PTPRM: variants seen among roughly 807,000 people sequenced by gnomAD.
PTPRM encodes the protein receptor-type tyrosine-protein phosphatase mu.
A neutral mutation model predicts 186.7 loss-of-function variants in PTPRM; 47 were observed. That is an observed-to-expected ratio of 0.25 (90% CI 0.20 to 0.32). The LOEUF (loss-of-function observed/expected upper bound fraction) is 0.32, where lower values mean the gene tolerates loss of function less well. Among genes scored for constraint, PTPRM ranks in the 10% least tolerant of loss-of-function variants. The probability of loss-of-function intolerance (pLI) is 1.00; values close to 1 mark genes in which losing one functional copy is unlikely to be tolerated. For missense variants in PTPRM, 1,494 were observed against 1,865.0 expected (o/e 0.80, Z 3.66); for synonymous variants, 668 against 674.9 (o/e 0.99, Z 0.16).
At position 7,980,057 on chromosome 18, in the gene PTPRM, G is replaced by A. The variant is rs112231481; in HGVS notation, c.1132+24643G>A. 5.3e-3 allele frequency among the ~76,000 whole-genome samples: 801 copies of A among 152,154 alleles called. 7 individuals carry two copies. Among genetic ancestry groups the A allele is most frequent in the African/African-American group, 0.018 (764 of 41,520 alleles). ...CCTCTGCTCTATAATGCCCCTGAGC[G>A]TCTTACTCCTCCCCCTTGGCCGTGC... is the stretch of plus-strand genomic sequence containing the variant. On this transcript the variant is annotated intron_variant, in intron 7 of 32. Transcript: ENST00000580170.
chr18:8,184,948 C>T (rs574391101), intron 14 of PTPRM, among the ~76,000 whole-genome samples: 2 of 152,112 alleles, frequency 1.3e-5, no homozygotes, highest in Non-Finnish European at 2.9e-5. Context: ...GCCTTGAATT[C>T]TAATGCAGAC....
At chr18:8,156,204 A>C (rs982399364) in intron 14 of PTPRM, among the ~76,000 whole-genome samples, 6 of 152,194 alleles carry the variant, frequency 3.9e-5, no homozygotes, top group African/African-American at 1.4e-4. Context: ...AACAGTTCCT[A>C]AAGTAACCCC....
chr18:7,918,312 A>G (rs2050679655), intron 4 of PTPRM, among the ~76,000 whole-genome samples: 1 of 152,068 alleles, frequency 6.6e-6, no homozygotes, highest in South Asian at 2.1e-4. Flanking sequence ...AGAAACCTCA[A>G]TGCAGTTTTT....
chr18:8,354,813 G>C (rs1453939544), intron 23 of PTPRM, among the ~76,000 whole-genome samples: 1 of 152,170 alleles, frequency 6.6e-6, no homozygotes, highest in East Asian at 1.9e-4. Flanking sequence ...GTAGAACAGT[G>C]GCTAAGTGTG....
At chr18:8,023,831 G>GAC (rs71354587) in intron 7 of PTPRM, among the ~76,000 whole-genome samples, 6,689 of 110,210 alleles carry the variant, frequency 0.061, 189 homozygotes, top group East Asian at 0.11. Flanking sequence ...ATTATCAGAA[G>GAC]ACACACACAC....
chr18:8,324,665 C>G (rs2095364845), intron 22 of PTPRM, among the ~76,000 whole-genome samples: 1 of 152,166 alleles, frequency 6.6e-6, no homozygotes, highest in Non-Finnish European at 1.5e-5. Flanking sequence ...GACAGCATTC[C>G]CAGCACTCAC....
intron 1 of PTPRM, among the ~76,000 whole-genome samples, chr18:7,701,077 G>A (rs1395084516): frequency 6.6e-5 from 10 of 151,736 alleles, no homozygotes; most frequent in Admixed American, 2.0e-4. Flanking sequence ...AGGCCTAGGC[G>A]GGCGGATCAT....
chr18:7,933,745 C>T (rs981820640), intron 5 of PTPRM, among the ~76,000 whole-genome samples: 4 of 152,158 alleles, frequency 2.6e-5, no homozygotes, highest in African/African-American at 7.2e-5. Flanking sequence ...CAGAGGAAAT[C>T]GTTTCTCTCT....
At chr18:8,351,576 A>T (rs919409185) in intron 23 of PTPRM, among the ~76,000 whole-genome samples, 1 of 152,192 alleles carries the variant, frequency 6.6e-6, no homozygotes, top group Non-Finnish European at 1.5e-5. Context: ...ATCTGGCCAC[A>T]GGGACGGCCT....
intron 3 of PTPRM, among the ~76,000 whole-genome samples, chr18:7,897,185 T>G (rs554918896): frequency 6.6e-6 from 1 of 152,326 alleles, no homozygotes; most frequent in African/African-American, 2.4e-5. Context: ...AGGAGTGTTT[T>G]TGAATCTCCG....
Position 8,319,280 on chromosome 18 carries a change from C to T in PTPRM, c.2956+66C>T, listed in dbSNP as rs1601788699. 8 of 1,179,204 alleles carry T rather than the reference C, an allele frequency of 6.8e-6. No individual in the cohort carries two copies. The East Asian group carries it at 1.9e-4, about 29-fold the overall frequency. The allele number at this position is 1,179,204 out of a possible 1,614,324, so 73.0% of individuals were successfully genotyped here. On this transcript the variant is annotated intron_variant, in intron 22 of 32. Coordinates refer to ENST00000580170, the MANE Select transcript of PTPRM (RefSeq NM_001105244.2). ...TGCCCACTTCCTATCATTTTGTACC[C>T]ACTTCACCCTCCTTCAGGAAGATAT...
intron 4 of PTPRM, among the ~76,000 whole-genome samples, chr18:7,918,596 G>A (rs947925442): frequency 6.6e-6 from 1 of 152,132 alleles, no homozygotes; most frequent in African/African-American, 2.4e-5. Context: ...GCAGAGGAAA[G>A]AATCAGTGAA....
intron 1 of PTPRM, among the ~76,000 whole-genome samples, chr18:7,773,026 A>G (rs2042403025): frequency 1.3e-5 from 2 of 152,180 alleles, no homozygotes; most frequent in Non-Finnish European, 2.9e-5. Context: ...AGGATATGAG[A>G]TGGGACAAAA....
At chr18:8,376,303 G>T in intron 25 of PTPRM, 103 bp downstream of exon 25, 1 of 1,537,548 alleles carries the variant, frequency 6.5e-7, no homozygotes, top group Non-Finnish European at 8.8e-7. Flanking sequence ...GAGGGGTGAT[G>T]ATTGCACAAC....
At chr18:7,714,804 A>C (rs2040289615) in intron 1 of PTPRM, among the ~76,000 whole-genome samples, 1 of 152,230 alleles carries the variant, frequency 6.6e-6, no homozygotes, top group Non-Finnish European at 1.5e-5. Flanking sequence ...ACACCCTCCC[A>C]AGACTAAACC....
At chr18:7,997,742 C>T (rs549118488) in intron 7 of PTPRM, among the ~76,000 whole-genome samples, 1 of 152,242 alleles carries the variant, frequency 6.6e-6, no homozygotes, top group Admixed American at 6.5e-5. Context: ...TTCTCAAAAG[C>T]AGACATTCAA....
rs1213994354 is a variant in PTPRM at position 8,113,473 on chromosome 18, C to T, written c.1857-13C>T. On this transcript the variant is annotated splice_polypyrimidine_tract_variant and intron_variant, in intron 11 of 32. Transcript: ENST00000580170. ...ATCATAAAATATCATTGATGGTACT[C>T]TTGTTTTTCTAGTGTCTATCAAATA... 1.2e-6 allele frequency: 2 copies of T among 1,609,334 alleles called. No individual in the cohort carries two copies. The highest frequency in any genetic ancestry group is 1.7e-6 in the Non-Finnish European group (2 of 1,176,188).
chr18:7,778,223 T>C (rs1002981248), intron 2 of PTPRM, among the ~76,000 whole-genome samples: 1 of 152,200 alleles, frequency 6.6e-6, no homozygotes, highest in Non-Finnish European at 1.5e-5. Flanking sequence ...TCTGGAGCAG[T>C]GACGTTAGCT....
chr18:8,210,524 G>T (rs1333883711), intron 14 of PTPRM, among the ~76,000 whole-genome samples: 1 of 152,096 alleles, frequency 6.6e-6, no homozygotes, highest in African/African-American at 2.4e-5. Flanking sequence ...TCTGGATTTT[G>T]GGTTTCTGGG....
Sources: allele counts gnomAD v4.1 joint callset (sites outside exome capture counted in the v4.1 genomes callset), GRCh38; gene constraint gnomAD v4.1.1; transcripts MANE v1.5; gene names NCBI Gene and HGNC (gene_info 2026-07-23, HGNC 2026-07-21).